GATAD1: variants seen among roughly 807,000 people sequenced by gnomAD.
GATAD1 encodes the protein GATA zinc finger domain containing 1, also known as GATA zinc finger domain-containing protein 1.
Under a neutral mutation model 26.5 loss-of-function variants are expected in GATAD1, and 12 were observed. That is an observed-to-expected ratio of 0.45 (90% CI 0.29 to 0.73). The LOEUF (loss-of-function observed/expected upper bound fraction) is 0.73, where lower values mean the gene tolerates loss of function less well. GATAD1 is among the 30% of genes least tolerant of loss of function. GATAD1 has a pLI of 0.10. For synonymous variants in GATAD1, 129 were observed against 133.1 expected, an observed-to-expected ratio of 0.97 and a Z score of 0.21; for missense variants, 266 against 342.1, an observed-to-expected ratio of 0.78 and a Z score of 1.75.
chr7:92,450,896 G>T, intron 3 of GATAD1, 136 bp downstream of exon 3: 1 of 573,856 alleles, frequency 1.7e-6, no homozygotes, highest in Non-Finnish European at 3.1e-6. Context: ...TCCCTTCTTA[G>T]CTGTTTTCCC....
chr7:92,475,714 G>T, the GATAD1 span, among the ~76,000 whole-genome samples: 1 of 152,084 alleles, frequency 6.6e-6, no homozygotes. Context: ...GATTCTAGTG[G>T]TCCTTTACCA....
At position 92,456,738 on chromosome 7, in the gene GATAD1, A is replaced by C. The variant is rs968875581; in HGVS notation, c.*176A>C. The C allele has an allele frequency of 2.1e-6, 1 of 481,768 alleles. No homozygotes were observed. Among genetic ancestry groups the C allele is most frequent in the Admixed American group, 3.8e-5 (1 of 26,168 alleles). 29.8% of individuals were successfully genotyped at this position (481,768 alleles called of 1,614,324 possible). On this transcript the variant is annotated 3_prime_UTR_variant, in exon 5 of 5. Transcript: ENST00000287957. ...TTCTTAGTACCACAAGATATGTCAT[A>C]GGTATCTTTAAATGAAATTCTTAGC...
At chr7:92,484,479 C>A in the GATAD1 span, among the ~76,000 whole-genome samples, 8 of 152,156 alleles carry the variant, frequency 5.3e-5, no homozygotes, top group African/African-American at 1.9e-4. Flanking sequence ...AATAATCAGG[C>A]AGGCGTCCCC....
the GATAD1 span, among the ~76,000 whole-genome samples, chr7:92,481,310 A>G: frequency 6.6e-6 from 1 of 152,176 alleles, no homozygotes; most frequent in South Asian, 2.1e-4. Context: ...GCCAGGAAGA[A>G]TGGTAATTGT....
chr7:92,478,093 A>C, the GATAD1 span: 1 of 152,186 alleles, frequency 6.6e-6, no homozygotes, highest in Non-Finnish European at 1.5e-5. Context: ...GGTGTGAGCT[A>C]AGTTGCAAGC....
At chr7:92,466,964 A>G in the GATAD1 span, among the ~76,000 whole-genome samples, 12 of 152,312 alleles carry the variant, frequency 7.9e-5, no homozygotes, top group Non-Finnish European at 1.3e-4. Context: ...CTTGAGAAAG[A>G]CATTCCTAGG....
At chr7:92,467,167 A>C in the GATAD1 span, among the ~76,000 whole-genome samples, 2 of 152,066 alleles carry the variant, frequency 1.3e-5, no homozygotes, top group African/African-American at 2.4e-5. Context: ...AAATACAAAA[A>C]AATTAGCCAG....
chr7:92,462,091 C>A (rs760877846), downstream of GATAD1, among the ~76,000 whole-genome samples: 1 of 152,036 alleles, frequency 6.6e-6, no homozygotes, highest in Non-Finnish European at 1.5e-5. Context: ...ACTTCTTGAT[C>A]CAGTAATTTC....
downstream of GATAD1, among the ~76,000 whole-genome samples, chr7:92,462,704 G>A (rs917721337): frequency 3.9e-5 from 6 of 152,216 alleles, no homozygotes; most frequent in Non-Finnish European, 5.9e-5. Flanking sequence ...GAGGTAATCA[G>A]ATTTCTACGA....
At chr7:92,493,043 A>G in the GATAD1 span, 1 of 1,610,248 alleles carries the variant, frequency 6.2e-7, no homozygotes, top group Admixed American at 1.7e-5. Context: ...TAAAGGAGTC[A>G]GTTACTGATG....
chr7:92,468,573 T>G, the GATAD1 span: 302 of 463,494 alleles, frequency 6.5e-4, 1 homozygote, highest in African/African-American at 5.2e-3. Flanking sequence ...TAATTAGCAT[T>G]TTAGTGAGCT....
the GATAD1 span, among the ~76,000 whole-genome samples, chr7:92,485,288 A>C: frequency 6.6e-6 from 1 of 151,972 alleles, no homozygotes; most frequent in Non-Finnish European, 1.5e-5. Context: ...GTTTTATCTA[A>C]ATCAGCGTGA....
the GATAD1 span, among the ~76,000 whole-genome samples, chr7:92,474,175 G>A: frequency 4.6e-5 from 7 of 151,788 alleles, no homozygotes; most frequent in Non-Finnish European, 1.0e-4. Context: ...GTCCTGTTCC[G>A]CCTGCTCCTC....
chr7:92,453,403 C>G (rs958275979), intron 3 of GATAD1, among the ~76,000 whole-genome samples: 1 of 152,156 alleles, frequency 6.6e-6, no homozygotes, highest in African/African-American at 2.4e-5. Flanking sequence ...GGGAAGAGGA[C>G]ATAGGATGGA....
chr7:92,466,277 C>T, the GATAD1 span, among the ~76,000 whole-genome samples: 1 of 152,140 alleles, frequency 6.6e-6, no homozygotes, highest in Non-Finnish European at 1.5e-5. Flanking sequence ...AGTGATCCTC[C>T]TACCTCAGCC....
At chr7:92,463,357 A>G (rs139924917), downstream of GATAD1, among the ~76,000 whole-genome samples, 212 of 152,296 alleles carry the variant, frequency 1.4e-3, no homozygotes, top group African/African-American at 4.8e-3. Context: ...ACACTTAAAA[A>G]TGGTTAATAC....
In GATAD1 at chr7:92,459,369, T is replaced by G. The variant is rs934387575; in HGVS notation, c.*2807T>G. ...TTTAAAAATCTATAAATTGATCATC[T>G]GTTTATAAATTGGCAGATGGTTGTG... is the stretch of plus-strand genomic sequence containing the variant. On this transcript the variant is annotated 3_prime_UTR_variant, in exon 5 of 5. Coordinates refer to ENST00000287957, the MANE Select transcript of GATAD1 (RefSeq NM_021167.5). The G allele has an allele frequency of 6.6e-6, 1 of 152,234 alleles. No homozygotes were observed. 9.4% of individuals were successfully genotyped at this position (152,234 alleles called of 1,614,324 possible).
the GATAD1 span, among the ~76,000 whole-genome samples, chr7:92,484,001 A>T: frequency 6.6e-6 from 1 of 152,158 alleles, no homozygotes; most frequent in East Asian, 1.9e-4. Flanking sequence ...GATGAGTCGC[A>T]TTGGGAGCAG....
chr7:92,448,015 A>G, intron 1 of GATAD1, 37 bp downstream of exon 1: 1 of 1,201,962 alleles, frequency 8.3e-7, no homozygotes, highest in Non-Finnish European at 1.0e-6. Context: ...GCGGAGGCCG[A>G]CCAGGTGCTA....
Sources: allele counts gnomAD v4.1 joint callset (sites outside exome capture counted in the v4.1 genomes callset), GRCh38; gene constraint gnomAD v4.1.1; transcripts MANE v1.5; gene names NCBI Gene and HGNC (gene_info 2026-07-23, HGNC 2026-07-21).